The following DCUN1D3 variants were observed in gnomAD, a reference collection of about 807,000 sequenced individuals.
The protein encoded by DCUN1D3 is defective in cullin neddylation 1 domain containing 3.
In DCUN1D3, 6 loss-of-function variants were observed where a neutral mutation model predicts 24.8. That is an observed-to-expected ratio of 0.24 (90% confidence interval 0.13 to 0.48). DCUN1D3 has a LOEUF of 0.48. Among genes scored for constraint, DCUN1D3 ranks in the 20% least tolerant of loss-of-function variants. The pLI, the probability that DCUN1D3 is intolerant of heterozygous loss-of-function variation, is 0.99. For synonymous variants in DCUN1D3, 120 were observed against 144.9 expected, an observed-to-expected ratio of 0.83 and a Z score of 1.24; for missense variants, 258 against 379.4, an observed-to-expected ratio of 0.68 and a Z score of 2.66.
intron 1 of DCUN1D3, among the ~76,000 whole-genome samples, chr16:20,891,936 ACT>A (rs990075801): frequency 1.3e-5 from 2 of 151,960 alleles, no homozygotes; most frequent in Non-Finnish European, 2.9e-5. Context: ...CAGTAAGTGC[ACT>A]GTTAGTATTT....
At chr16:20,894,722 C>A (rs1232578553) in intron 1 of DCUN1D3, among the ~76,000 whole-genome samples, 2 of 152,230 alleles carry the variant, frequency 1.3e-5, no homozygotes, top group African/African-American at 4.8e-5. Flanking sequence ...AGGCTCTGGG[C>A]ACAGGTGACT....
chr16:20,875,674 A>C (rs1229777889), intron 1 of DCUN1D3, among the ~76,000 whole-genome samples: 1 of 152,244 alleles, frequency 6.6e-6, no homozygotes, highest in East Asian at 1.9e-4. Flanking sequence ...CTATGAAACT[A>C]CTAGAAGAAA....
Position 20,862,487 on chromosome 16 carries a change from T to G in DCUN1D3, c.52A>C (p.Lys18Gln). 1 of 1,611,360 alleles carries G rather than the reference T, an allele frequency of 6.2e-7. No homozygotes were observed. Among genetic ancestry groups the G allele is most frequent in the Non-Finnish European group, 8.5e-7 (1 of 1,180,018 alleles). The part of the protein sequence containing the change: ...CKNPSSTLGS[K>Q]NGDREPSNKS... ...TTGCTGGGCTCACGGTCTCCATTTT[T>G]GCTGCCCAGGGTCGATGAGGGATTC... Residue 18 changes from lysine to glutamine, a missense_variant, in exon 2 of 3, where the codon AAA becomes CAA. Lys to Gln is a moderately conservative substitution (Grantham distance 53). Coordinates refer to ENST00000324344, the MANE Select transcript of DCUN1D3 (RefSeq NM_173475.4).
intron 1 of DCUN1D3, among the ~76,000 whole-genome samples, chr16:20,877,620 G>C (rs1395646394): frequency 6.6e-6 from 1 of 152,176 alleles, no homozygotes; most frequent in Non-Finnish European, 1.5e-5. Context: ...ATTAACTCGT[G>C]ATTGAATAAA....
At chr16:20,886,317 G>C (rs572496206) in intron 1 of DCUN1D3, among the ~76,000 whole-genome samples, 1 of 152,168 alleles carries the variant, frequency 6.6e-6, no homozygotes, top group Non-Finnish European at 1.5e-5. Context: ...GAGTTACTGA[G>C]TCTTGGAACC....
intron 1 of DCUN1D3, among the ~76,000 whole-genome samples, chr16:20,890,075 A>G (rs898653648): frequency 1.3e-5 from 2 of 152,118 alleles, no homozygotes; most frequent in African/African-American, 4.8e-5. Context: ...TGCACCCCCA[A>G]CTCATACCTT....
intron 1 of DCUN1D3, among the ~76,000 whole-genome samples, chr16:20,879,553 G>C (rs962134753): frequency 6.6e-6 from 1 of 152,096 alleles, no homozygotes; most frequent in Non-Finnish European, 1.5e-5. Flanking sequence ...AATATTTCTG[G>C]ATTGCTAACA....
intron 1 of DCUN1D3, among the ~76,000 whole-genome samples, chr16:20,872,305 C>T (rs986957587): frequency 3.3e-5 from 5 of 152,080 alleles, no homozygotes; most frequent in African/African-American, 1.2e-4. Context: ...AGTCCAAAGA[C>T]GACGAAGGAA....
chr16:20,861,945 T>C (rs1368745436), intron 2 of DCUN1D3, among the ~76,000 whole-genome samples, 163 bp downstream of exon 2: 1 of 152,070 alleles, frequency 6.6e-6, no homozygotes, highest in Admixed American at 6.5e-5. Context: ...TAACCACAAC[T>C]TGGCTCAAAA....
At chr16:20,876,407 T>C (rs1326591315) in intron 1 of DCUN1D3, among the ~76,000 whole-genome samples, 1 of 149,762 alleles carries the variant, frequency 6.7e-6, no homozygotes, top group Non-Finnish European at 1.5e-5. Flanking sequence ...AACGAAATAT[T>C]ATCTCACCCC....
intron 1 of DCUN1D3, among the ~76,000 whole-genome samples, chr16:20,867,283 G>A (rs2081766980): frequency 6.6e-6 from 1 of 152,138 alleles, no homozygotes; most frequent in Admixed American, 6.5e-5. Flanking sequence ...AAGTTCAGGA[G>A]TGACACCACA....
At chr16:20,882,556 T>C (rs1567428109) in intron 1 of DCUN1D3, among the ~76,000 whole-genome samples, 1 of 152,200 alleles carries the variant, frequency 6.6e-6, no homozygotes, top group Non-Finnish European at 1.5e-5. Flanking sequence ...TGAGCCACCA[T>C]GCCCGGCCAG....
At chr16:20,898,944 T>G (rs2081937409) in intron 1 of DCUN1D3, among the ~76,000 whole-genome samples, 1 of 152,242 alleles carries the variant, frequency 6.6e-6, no homozygotes, top group Non-Finnish European at 1.5e-5. Context: ...TTCCATTCTT[T>G]GCTTCAAATA....
intron 1 of DCUN1D3, among the ~76,000 whole-genome samples, chr16:20,883,719 G>C (rs1228108439): frequency 6.6e-6 from 1 of 152,120 alleles, no homozygotes; most frequent in Non-Finnish European, 1.5e-5. Flanking sequence ...AGAAAAACAG[G>C]TTTCCTTCCA....
rs772847778 is a variant in DCUN1D3, at chr16:20,859,917, G to A, written c.884C>T (p.Pro295Leu). 1.9e-6 allele frequency: 3 copies of A among 1,613,810 alleles called. No individual in the cohort carries two copies. Among genetic ancestry groups the A allele is most frequent in the Non-Finnish European group, 2.5e-6 (3 of 1,179,784 alleles). The change falls in exon 3 of 3, where the codon CCT (proline) becomes CTT (leucine). Residue 295 changes from proline (P) to leucine (L), a missense_variant. By Grantham distance (98) the Pro-to-Leu change is moderately conservative. Transcript: ENST00000324344. The stretch of plus-strand genomic sequence containing the variant: ...CTGCTCCTCGGGACACAAGCCCTCA[G>A]GCCCTGAGCTGAGTGCACCTCTCCC... ...GEGRGALSSG[P>L]EGLCPEEQT
intron 1 of DCUN1D3, among the ~76,000 whole-genome samples, chr16:20,873,763 A>C (rs1481765852): frequency 4.6e-5 from 7 of 152,300 alleles, no homozygotes; most frequent in African/African-American, 1.7e-4. Flanking sequence ...AGCCAGCCAG[A>C]CAGAATCTCA....
chr16:20,883,747 T>G (rs1436663153), intron 1 of DCUN1D3, among the ~76,000 whole-genome samples: 1 of 152,160 alleles, frequency 6.6e-6, no homozygotes, highest in Non-Finnish European at 1.5e-5. Flanking sequence ...AAAAGGCAAC[T>G]GGAAAGATTT....
At chr16:20,867,672 C>G (rs1038359303) in intron 1 of DCUN1D3, among the ~76,000 whole-genome samples, 1 of 152,222 alleles carries the variant, frequency 6.6e-6, no homozygotes, top group Non-Finnish European at 1.5e-5. Flanking sequence ...CTTGATATGA[C>G]AGCTGTTACT....
At chr16:20,869,145 T>C (rs1461107426) in intron 1 of DCUN1D3, among the ~76,000 whole-genome samples, 3 of 152,266 alleles carry the variant, frequency 2.0e-5, no homozygotes, top group Non-Finnish European at 4.4e-5. Flanking sequence ...CTGCAGTCCC[T>C]GGGTTGCTCT....
Sources: allele counts gnomAD v4.1 joint callset (sites outside exome capture counted in the v4.1 genomes callset), GRCh38; gene constraint gnomAD v4.1.1; transcripts MANE v1.5; gene names NCBI Gene and HGNC (gene_info 2026-07-23, HGNC 2026-07-21).